HHIPL2: variants seen among roughly 807,000 people sequenced by gnomAD.
HHIPL2 encodes HHIP-like protein 2.
HHIPL2 carries 61 observed loss-of-function variants against 61.0 expected under a neutral mutation model. The ratio of observed to expected loss-of-function variants is 1.00; its 90% CI spans 0.81 to 1.24. The LOEUF is 1.24. HHIPL2 is among the 50% of genes most tolerant of loss of function. The probability of loss-of-function intolerance (pLI) is 0.00; values close to 1 mark genes in which losing one functional copy is unlikely to be tolerated. For synonymous variants in HHIPL2, 343 were observed against 357.4 expected, an observed-to-expected ratio of 0.96 and a Z score of 0.45; for missense variants, 885 against 910.2, an observed-to-expected ratio of 0.97 and a Z score of 0.36.
chr1:222,546,039 T>C (rs1659546961), intron 1 of HHIPL2, among the ~76,000 whole-genome samples: 1 of 150,828 alleles, frequency 6.6e-6, no homozygotes, highest in Admixed American at 6.6e-5. Flanking sequence ...AGTAAGACTC[T>C]GTCTCAAAAA....
Position 222,543,728 on chromosome 1 carries a change from G to A in HHIPL2, c.783C>T (p.Ile261=). 6.2e-7 allele frequency: 1 copy of A among 1,614,174 alleles called. No homozygotes were observed. Among genetic ancestry groups the A allele is most frequent in the Non-Finnish European group, 8.5e-7 (1 of 1,180,044 alleles). The stretch of plus-strand genomic sequence containing the variant: ...CCCCGATCCATGGGGTGGTCAACAC[G>A]ATGTTCTTGAGGTCCAGGAAGGGTT... The part of the protein sequence containing the change: ...LEQPFLDLKN[I]VLTTPWIGDE... The change falls in exon 2 of 9, where the codon ATC becomes ATT. Residue 261 remains isoleucine, a synonymous_variant. Coordinates refer to ENST00000343410, the MANE Select transcript of HHIPL2 (RefSeq NM_024746.4).
chr1:222,533,446 T>C (rs1053024387), intron 5 of HHIPL2, among the ~76,000 whole-genome samples: 3 of 149,728 alleles, frequency 2.0e-5, no homozygotes, highest in African/African-American at 4.9e-5. Context: ...GGGGGCAGGG[T>C]GGTGAGTGGA....
Position 222,543,758 on chromosome 1 carries a change from C to A in HHIPL2, c.753G>T (p.Leu251=), listed in dbSNP as rs781085928. The A allele has an allele frequency of 6.2e-7, 1 of 1,614,144 alleles. No individual in the cohort carries two copies. The highest frequency in any genetic ancestry group is 1.1e-5 in the South Asian group (1 of 91,072). Residue 251 remains leucine (L), a synonymous_variant, in exon 2 of 9, where the codon CTG becomes CTT. Coordinates refer to ENST00000343410, the MANE Select transcript of HHIPL2 (RefSeq NM_024746.4). ...VWVYLPDGSR[L]EQPFLDLKNI... Reference sequence around the variant, plus strand: ...TCTTGAGGTCCAGGAAGGGTTGCTCCAGGCGACTCCCATCAGGGAGGTAGA... The same window carrying A: ...TCTTGAGGTCCAGGAAGGGTTGCTCAAGGCGACTCCCATCAGGGAGGTAGA...
chr1:222,544,242 T>C (rs997225770), intron 1 of HHIPL2, 53 bp from the exon 2 acceptor site: 14 of 1,539,668 alleles, frequency 9.1e-6, no homozygotes, highest in Non-Finnish European at 1.1e-5. Flanking sequence ...ACACCGGCAC[T>C]TGTCTCAAGT....
intron 1 of HHIPL2, among the ~76,000 whole-genome samples, chr1:222,545,100 C>A (rs781685565): frequency 6.6e-6 from 1 of 152,110 alleles, no homozygotes; most frequent in African/African-American, 2.4e-5. Context: ...TGTGAGCAGA[C>A]GAGCGACTCC....
chr1:222,547,938 AC>A lies in HHIPL2; in HGVS notation c.106del (p.Val36TrpfsTer56). On this transcript the variant is annotated frameshift_variant, in exon 1 of 9. Coordinates refer to ENST00000343410, the MANE Select transcript of HHIPL2 (RefSeq NM_024746.4). LOFTEE classifies it high-confidence loss of function. ...CLCLIFLLGQ[V>X]GLLQGHPQCL... ...CTGGGGGTGTCCCTGCAGCAAGCCC[AC>A]CTGGCCCAACAAGAATATGAGGCAG... The A allele has an allele frequency of 6.2e-7, 1 of 1,613,092 alleles. No individual in the cohort carries two copies. The highest frequency in any genetic ancestry group is 8.5e-7 in the Non-Finnish European group (1 of 1,179,282).
intron 2 of HHIPL2, 117 bp from the exon 3 acceptor site, chr1:222,542,272 C>T (rs1571776491): frequency 8.4e-7 from 1 of 1,193,266 alleles, no homozygotes; most frequent in East Asian, 2.4e-5. Flanking sequence ...CCAGCCAAGA[C>T]CTGCTTCTGA....
In HHIPL2 at chr1:222,538,740, T is replaced by G. The variant is rs148826703; in HGVS notation, c.1485A>C (p.Ala495=). 7.4e-5 allele frequency: 119 copies of G among 1,613,972 alleles called. No homozygotes were observed. The highest frequency in any genetic ancestry group is 9.9e-5 in the Non-Finnish European group (117 of 1,179,964). The part of the protein sequence containing the change: ...DVLPIYAYGH[A]VGKSVTGGYV... ...AACCTCCAGTGACTGACTTCCCCAC[T>G]GCATGGCCATAAGCATAGATTGGCA... The change falls in exon 5 of 9, where the codon GCA becomes GCC. Residue 495 remains alanine (A), a synonymous_variant. Transcript: ENST00000343410.
chr1:222,529,131 C>T (rs1659134753), intron 6 of HHIPL2, among the ~76,000 whole-genome samples: 1 of 152,138 alleles, frequency 6.6e-6, no homozygotes, highest in African/African-American at 2.4e-5. Context: ...CTCTAAACAA[C>T]TGCTTTTTGT....
rs771775860 is a variant in HHIPL2 at position 222,526,982 on chromosome 1, C to G, written c.1792G>C (p.Val598Leu). 4.4e-5 allele frequency: 71 copies of G among 1,613,158 alleles called. No individual in the cohort carries two copies. Among genetic ancestry groups the G allele is most frequent in the Non-Finnish European group, 5.6e-5 (66 of 1,179,648 alleles). ...ATCAAATCTCACCTTGAGGGGTCAA[C>G]AAACTTGTAAATAGATCCACGTGGT... ...YAPRGSIYKFVDPSRRAPPGK... is the reference protein window; with the variant it reads ...YAPRGSIYKFLDPSRRAPPGK... Residue 598 changes from valine (V) to leucine (L), a missense_variant, in exon 7 of 9, where the codon GTT (valine) becomes CTT (leucine). Transcript: ENST00000343410.
chr1:222,547,979 A>G lies in HHIPL2; in HGVS notation c.66T>C (p.Ser22=). The part of the protein sequence containing the change: ...GLHCRAPWLS[S]GILCLCLIFL... ...ATATGAGGCAGAGGCAGAGAATGCC[A>G]GAAGAGAGCCAGGGGGCCCGGCAAT... is the stretch of plus-strand genomic sequence containing the variant. Residue 22 remains serine, a synonymous_variant, in exon 1 of 9, where the codon TCT becomes TCC. Coordinates refer to ENST00000343410, the MANE Select transcript of HHIPL2 (RefSeq NM_024746.4). 1 of 1,609,928 alleles carries G rather than the reference A, an allele frequency of 6.2e-7. No individual in the cohort carries two copies.
intron 5 of HHIPL2, among the ~76,000 whole-genome samples, chr1:222,536,077 C>A (rs1237522946): frequency 6.6e-6 from 1 of 151,556 alleles, no homozygotes; most frequent in Non-Finnish European, 1.5e-5. Flanking sequence ...ATCTCAGCTT[C>A]CATCTTGAGA....
chr1:222,535,370 C>T (rs1182229433), intron 5 of HHIPL2, among the ~76,000 whole-genome samples: 3 of 152,180 alleles, frequency 2.0e-5, no homozygotes, highest in African/African-American at 7.2e-5. Flanking sequence ...CATGCATCTA[C>T]CCAAAGGAAT....
At position 222,522,764 on chromosome 1, in the gene HHIPL2, G is replaced by A; in HGVS notation, c.2012C>T (p.Ser671Phe). 1 of 1,614,182 alleles carries A rather than the reference G, an allele frequency of 6.2e-7. No homozygotes were observed. Among genetic ancestry groups the A allele is most frequent in the Non-Finnish European group, 8.5e-7 (1 of 1,180,038 alleles). Residue 671 changes from serine to phenylalanine, a missense_variant, in exon 9 of 9, where the codon TCT (serine) becomes TTT (phenylalanine). Ser to Phe is a radical substitution (Grantham distance 155, BLOSUM62 -2). Transcript: ENST00000343410. ...CAATGTATTCTTGCTGCTTGTAGGAGAAGCCAGCTTCTTGGAGGAGCCTTT... is the reference window on the plus strand; with the variant it reads ...CAATGTATTCTTGCTGCTTGTAGGAAAAGCCAGCTTCTTGGAGGAGCCTTT... Reference protein sequence around the residue: ...SEKGSSKKLASPTSSKNTLRG... With the variant: ...SEKGSSKKLAFPTSSKNTLRG...
At chr1:222,544,239 C>A in intron 1 of HHIPL2, 50 bp from the exon 2 acceptor site, 1 of 1,547,926 alleles carries the variant, frequency 6.5e-7, no homozygotes, top group Non-Finnish European at 8.7e-7. Context: ...GCCACACCGG[C>A]ACTTGTCTCA....
intron 2 of HHIPL2, 24 bp downstream of exon 2, chr1:222,543,513 T>C: frequency 6.3e-7 from 1 of 1,593,778 alleles, no homozygotes; most frequent in African/African-American, 1.3e-5. Context: ...AGTACAGCTG[T>C]AGGCTCTCAT....
At position 222,522,352 on chromosome 1, in the gene HHIPL2, G is replaced by C. The variant is rs1238181319; in HGVS notation, c.*249C>G. ...CAGTGTGATTCCAAGCAGGCTCATG[G>C]ACTAGTGCTTACCATAACCCAGGTG... On this transcript the variant is annotated 3_prime_UTR_variant, in exon 9 of 9. Coordinates refer to ENST00000343410, the MANE Select transcript of HHIPL2 (RefSeq NM_024746.4). 1 of 541,892 alleles carries C rather than the reference G, an allele frequency of 1.8e-6. No homozygotes were observed. The highest frequency in any genetic ancestry group is 3.3e-6 in the Non-Finnish European group (1 of 305,002). The allele number at this position is 541,892 out of a possible 1,614,324, so 33.6% of individuals were successfully genotyped here.
At chr1:222,534,693 C>CACACACACAA (rs1659265636) in intron 5 of HHIPL2, among the ~76,000 whole-genome samples, 2 of 148,792 alleles carry the variant, frequency 1.3e-5, no homozygotes, top group African/African-American at 5.1e-5. Flanking sequence ...CACACACACA[C>CACACACACAA]TCAATGGAAT....
chr1:222,523,767 G>A, intron 7 of HHIPL2, 73 bp from the exon 8 acceptor site: 1 of 1,436,576 alleles, frequency 7.0e-7, no homozygotes, highest in Non-Finnish European at 9.8e-7. Flanking sequence ...GTTACCAGAG[G>A]GCGTATATTT....
Sources: gnomAD v4.1 joint callset for allele counts (sites outside exome capture counted in the v4.1 genomes callset) on GRCh38, gnomAD v4.1.1 for gene constraint, MANE v1.5 for transcripts, NCBI Gene and HGNC (gene_info 2026-07-23, HGNC 2026-07-21) for gene names.